Variants in DOCK5 observed in about 807,000 individuals in gnomAD.
DOCK5 encodes the protein dedicator of cytokinesis 5, also known as dedicator of cytokinesis protein 5.
A neutral mutation model predicts 251.8 loss-of-function variants in DOCK5; 142 were observed. The ratio of observed to expected loss-of-function variants is 0.56; its 90% CI spans 0.49 to 0.65. DOCK5 has a LOEUF of 0.65. DOCK5 is among the 30% of genes least tolerant of loss of function. The pLI, the probability that DOCK5 is intolerant of heterozygous loss-of-function variation, is 0.00. For missense variants in DOCK5, 2,111 were observed against 2,312.3 expected (o/e 0.91, Z 1.79); for synonymous variants, 842 against 835.5 (o/e 1.01, Z -0.13).
At chr8:25,260,796 C>CTTTTT (rs756698835) in intron 2 of DOCK5, among the ~76,000 whole-genome samples, 16 of 146,650 alleles carry the variant, frequency 1.1e-4, no homozygotes, top group Non-Finnish European at 2.3e-4. Context: ...TTCTTTCTTT[C>CTTTTT]TTTTTTTTTT....
At chr8:25,215,631 C>G (rs563330185) in intron 1 of DOCK5, among the ~76,000 whole-genome samples, 32 of 152,174 alleles carry the variant, frequency 2.1e-4, no homozygotes, top group African/African-American at 6.3e-4. Flanking sequence ...TACTCAATCC[C>G]TTGGTCATTG....
At chr8:25,241,107 T>C (rs1323308007) in intron 1 of DOCK5, among the ~76,000 whole-genome samples, 2 of 152,186 alleles carry the variant, frequency 1.3e-5, no homozygotes, top group Non-Finnish European at 2.9e-5. Context: ...TCAAAATCCT[T>C]ATCATTGGTC....
Position 25,308,798 on chromosome 8 carries a change from C to G in DOCK5, c.1065C>G (p.Thr355=), listed in dbSNP as rs372966275. 1.1e-4 allele frequency: 180 copies of G among 1,613,750 alleles called. No homozygotes were observed. The highest frequency in any genetic ancestry group is 1.4e-4 in the Non-Finnish European group (171 of 1,179,792). ...FIPFQQIAME[T]YIRQRQLIMS... ...CTTTCCCAAGAATTGCGATGGAAAC[C>G]TACATCCGCCAGAGGCAGCTCATCA... is the stretch of plus-strand genomic sequence containing the variant. The change falls in exon 12 of 52, where the codon ACC becomes ACG. Residue 355 remains threonine, a synonymous_variant. Transcript: ENST00000276440.
chr8:25,232,429 A>G (rs1157738267), intron 1 of DOCK5, among the ~76,000 whole-genome samples: 5 of 152,244 alleles, frequency 3.3e-5, no homozygotes, highest in African/African-American at 1.2e-4. Context: ...TATTTGGGAT[A>G]CTATAACAAA....
At chr8:25,383,088 G>A (rs912679263) in intron 40 of DOCK5, among the ~76,000 whole-genome samples, 1 of 152,102 alleles carries the variant, frequency 6.6e-6, no homozygotes, top group East Asian at 1.9e-4. Context: ...GTATTTCGTT[G>A]TTTACCATGT....
intron 2 of DOCK5, among the ~76,000 whole-genome samples, chr8:25,267,866 AT>A (rs541488063): frequency 0.036 from 5,283 of 146,034 alleles, 232 homozygotes; most frequent in African/African-American, 0.11. Flanking sequence ...CTTTATTGGA[AT>A]TTTTTTTTTT....
intron 50 of DOCK5, among the ~76,000 whole-genome samples, chr8:25,409,181 A>G (rs990317206): frequency 6.6e-6 from 1 of 152,230 alleles, no homozygotes; most frequent in East Asian, 1.9e-4. Context: ...TTGTGAAGGT[A>G]TAAATGAGGC....
rs760011934 is a variant in DOCK5, at chr8:25,377,354, A to G, written c.3866A>G (p.Tyr1289Cys). 1.7e-5 allele frequency: 28 copies of G among 1,613,654 alleles called. No individual in the cohort carries two copies. The highest frequency in any genetic ancestry group is 2.7e-5 in the African/African-American group (2 of 74,914). Residue 1289 changes from tyrosine (Y) to cysteine (C), a missense_variant, in exon 38 of 52, where the codon TAT becomes TGT. Around this residue, in one of 3 missense-constraint regions of DOCK5, gnomAD observed 1,717 missense variants for 1,892.4 expected, o/e 0.91. Coordinates refer to ENST00000276440, the MANE Select transcript of DOCK5 (RefSeq NM_024940.8). The stretch of plus-strand genomic sequence containing the variant: ...CATTTGCTTCAGAAGGACAGTTACT[A>G]TGTTTATACCCAGCAAGAGCTTAAA... ...VPHLLQKDSY[Y>C]VYTQQELKEK... is the part of the protein sequence containing the mutation.
intron 7 of DOCK5, among the ~76,000 whole-genome samples, chr8:25,298,151 T>G (rs1487015186): frequency 1.3e-5 from 2 of 152,144 alleles, no homozygotes; most frequent in African/African-American, 4.8e-5. Context: ...GTCTTTCTGT[T>G]CTAATGAGTA....
chr8:25,276,444 T>A (rs896003498), intron 4 of DOCK5, among the ~76,000 whole-genome samples: 4 of 151,928 alleles, frequency 2.6e-5, no homozygotes, highest in African/African-American at 9.7e-5. Context: ...TTAGTCTAAG[T>A]GGGAGAGAGA....
chr8:25,323,827 C>T (rs750323212), intron 16 of DOCK5, 21 bp from the exon 17 acceptor site: 2 of 1,609,070 alleles, frequency 1.2e-6, no homozygotes, highest in Non-Finnish European at 1.7e-6. Flanking sequence ...ACTGCTCAGA[C>T]ATGTCTTTCT....
intron 13 of DOCK5, among the ~76,000 whole-genome samples, chr8:25,313,727 C>T (rs1319459764): frequency 1.3e-5 from 2 of 152,206 alleles, no homozygotes; most frequent in Non-Finnish European, 2.9e-5. Context: ...TGGCCATCTT[C>T]TCCCTTCGTC....
Position 25,368,644 on chromosome 8 carries a change from G to C in DOCK5, c.3357G>C (p.Glu1119Asp). 1 of 1,613,890 alleles carries C rather than the reference G, an allele frequency of 6.2e-7. No individual in the cohort carries two copies. The highest frequency in any genetic ancestry group is 1.1e-5 in the South Asian group (1 of 91,038). ...AGGTCACTCTGACCCCTGAAGTAGA[G>C]CTCCGGAAAGCCACAATCCCCATTT... ...ILEVTLTPEVELRKATIPIFF... is the reference protein window; with the variant it reads ...ILEVTLTPEVDLRKATIPIFF... Residue 1119 changes from glutamate (E) to aspartate (D), a missense_variant, in exon 33 of 52, where the codon GAG becomes GAC. Coordinates refer to ENST00000276440, the MANE Select transcript of DOCK5 (RefSeq NM_024940.8).
At chr8:25,398,656 G>C (rs1174323310) in intron 45 of DOCK5, among the ~76,000 whole-genome samples, 1 of 152,066 alleles carries the variant, frequency 6.6e-6, no homozygotes, top group African/African-American at 2.4e-5. Flanking sequence ...ATGTCTTGTC[G>C]ATGGCCATCT....
At chr8:25,337,686 A>G (rs1020287054) in intron 22 of DOCK5, among the ~76,000 whole-genome samples, 3 of 151,550 alleles carry the variant, frequency 2.0e-5, no homozygotes, top group African/African-American at 7.3e-5. Flanking sequence ...TACAGGTTCA[A>G]GCGATTCTCG....
chr8:25,342,907 A>G (rs1034156753), intron 25 of DOCK5, among the ~76,000 whole-genome samples: 12 of 151,212 alleles, frequency 7.9e-5, no homozygotes, highest in African/African-American at 2.9e-4. Flanking sequence ...GGGTTTCACC[A>G]CGTTAGCCAG....
rs1309933687 is a variant in DOCK5, at chr8:25,302,353, C to T, written c.875C>T (p.Pro292Leu). ...CTTAGCAGCATGGACCTCATCCGGC[C>T]CCGCGTCAGCCTTGTGTGCCAGATT... ...TDLSSMDLIR[P>L]RVSLVCQIVR... The change falls in exon 10 of 52, where the codon CCC becomes CTC. Residue 292 changes from proline to leucine, a missense_variant. Pro to Leu is a moderately conservative substitution (Grantham distance 98). Transcript: ENST00000276440. The T allele has an allele frequency of 1.9e-6, 3 of 1,613,128 alleles. No homozygotes were observed. The highest frequency in any genetic ancestry group is 3.3e-5 in the Admixed American group (2 of 59,882).
At chr8:25,396,010 G>A (rs539666570) in intron 45 of DOCK5, 4 of 464,072 alleles carry the variant, frequency 8.6e-6, no homozygotes, top group African/African-American at 8.0e-5. Flanking sequence ...CAAACTGATT[G>A]GTGGACCCCA....
At chr8:25,294,041 G>T (rs575803982) in intron 6 of DOCK5, among the ~76,000 whole-genome samples, 1 of 152,154 alleles carries the variant, frequency 6.6e-6, no homozygotes, top group South Asian at 2.1e-4. Context: ...CAATTGGGTA[G>T]GATAAGGAAA....
Sources: allele counts gnomAD v4.1 joint callset (sites outside exome capture counted in the v4.1 genomes callset), GRCh38; gene constraint gnomAD v4.1.1; regional missense constraint gnomAD v4.1.1; transcripts MANE v1.5; gene names NCBI Gene and HGNC (gene_info 2026-07-23, HGNC 2026-07-21).